MAGI1: variants seen among roughly 807,000 people sequenced by gnomAD.
MAGI1 encodes the protein membrane associated guanylate kinase, WW and PDZ domain containing 1, also known as membrane-associated guanylate kinase, WW and PDZ domain-containing protein 1.
MAGI1 carries 58 observed loss-of-function variants against 139.9 expected under a neutral mutation model. The ratio of observed to expected loss-of-function variants is 0.41; its 90% CI spans 0.34 to 0.52. The LOEUF is 0.52. MAGI1 is among the 20% of genes least tolerant of loss of function. MAGI1 has a pLI of 0.12. For missense variants in MAGI1, 1,874 were observed against 1,901.6 expected (o/e 0.99, Z 0.27); for synonymous variants, 812 against 737.9 (o/e 1.10, Z -1.63).
chr3:65,593,502 T>C lies in MAGI1; in HGVS notation c.430+28470A>G, dbSNP rs144249620. ...AATCTAAATGATTTTTTACTTCCAA[T>C]AGAATATAGGATAAACTATCTGGTT... On this transcript the variant is annotated intron_variant, in intron 2 of 22. Transcript: ENST00000402939. Among the ~76,000 whole-genome samples, 1,100 of 152,302 alleles carry C rather than the reference T, an allele frequency of 7.2e-3. 16 individuals carry two copies. The highest frequency in any genetic ancestry group is 0.026 in the African/African-American group (1,061 of 41,554).
intron 1 of MAGI1, among the ~76,000 whole-genome samples, chr3:65,815,025 G>GTCCATAGATCCA (rs200901484): frequency 0.036 from 5,431 of 152,260 alleles, 128 homozygotes; most frequent in Middle Eastern, 0.051. Context: ...GGGAAACACA[G>GTCCATAGATCCA]CAGCTGTATT....
At chr3:65,537,741 T>A (rs1394055800) in intron 2 of MAGI1, among the ~76,000 whole-genome samples, 2 of 152,188 alleles carry the variant, frequency 1.3e-5, no homozygotes, top group African/African-American at 4.8e-5. Flanking sequence ...ACAATTGTTA[T>A]TTAATAGTCA....
At chr3:65,784,095 C>T (rs969969574) in intron 1 of MAGI1, among the ~76,000 whole-genome samples, 1 of 151,572 alleles carries the variant, frequency 6.6e-6, no homozygotes, top group East Asian at 2.0e-4. Flanking sequence ...TGCACTCCAG[C>T]CTGGGCAACA....
chr3:65,688,254 T>C (rs878983154), intron 1 of MAGI1: 1 of 852,548 alleles, frequency 1.2e-6, no homozygotes, highest in South Asian at 1.3e-5. Context: ...GACTCTGGTC[T>C]GAATCCTCTC....
intron 1 of MAGI1, among the ~76,000 whole-genome samples, chr3:65,845,454 A>T (rs959629116): frequency 6.6e-6 from 1 of 152,162 alleles, no homozygotes; most frequent in African/African-American, 2.4e-5. Flanking sequence ...AATATCTACC[A>T]CACTGGAATG....
intron 1 of MAGI1, among the ~76,000 whole-genome samples, chr3:65,635,789 T>A (rs2084581191): frequency 6.6e-6 from 1 of 152,226 alleles, no homozygotes; most frequent in Admixed American, 6.5e-5. Context: ...CTGGAATAGA[T>A]AATCTGGATT....
intron 1 of MAGI1, among the ~76,000 whole-genome samples, chr3:65,929,793 T>C (rs7631675): frequency 0.8 from 121,609 of 152,010 alleles, 48,707 homozygotes; most frequent in Middle Eastern, 0.85. Context: ...AGCAAATCAA[T>C]CCATGGTAAT....
intron 1 of MAGI1, among the ~76,000 whole-genome samples, chr3:65,882,483 GT>G (rs2060366218): frequency 6.6e-6 from 1 of 152,052 alleles, no homozygotes; most frequent in African/African-American, 2.4e-5. Context: ...TAAGTTACAT[GT>G]TTTCCCATCT....
chr3:65,468,344 G>GCCCGC (rs1950306415), intron 5 of MAGI1, among the ~76,000 whole-genome samples: 1 of 147,824 alleles, frequency 6.8e-6, no homozygotes, highest in African/African-American at 2.5e-5. Context: ...ACTCTTCCCG[G>GCCCGC]GTAGATTCTC....
intron 17 of MAGI1, 94 bp downstream of exon 17, chr3:65,379,167 T>C: frequency 6.3e-7 from 1 of 1,587,682 alleles, no homozygotes. Flanking sequence ...AAAGCATTTC[T>C]GCACGTGAGG....
Position 65,723,644 on chromosome 3 carries a change from A to G in MAGI1, c.314-101556T>C, listed in dbSNP as rs142297649. 4.8e-4 allele frequency among the ~76,000 whole-genome samples: 73 copies of G among 152,344 alleles called. No individual in the cohort carries two copies. The East Asian group carries it at 0.014, about 29-fold the overall frequency. ...TATCTAGCAACATCAGTCGACACAG[A>G]TAATAAACTGGGATCTGTGTTTCCT... On this transcript the variant is annotated intron_variant, in intron 1 of 22. Transcript: ENST00000402939.
At chr3:65,605,035 G>C (rs2082668929) in intron 2 of MAGI1, among the ~76,000 whole-genome samples, 1 of 152,144 alleles carries the variant, frequency 6.6e-6, no homozygotes, top group African/African-American at 2.4e-5. Context: ...ATGAAAATAT[G>C]CAACTTAAGA....
At chr3:65,843,323 T>C (rs1329873060) in intron 1 of MAGI1, among the ~76,000 whole-genome samples, 1 of 151,984 alleles carries the variant, frequency 6.6e-6, no homozygotes, top group African/African-American at 2.4e-5. Context: ...TGGGAGGAGA[T>C]TCCCCCACCA....
At chr3:65,995,537 G>GT (rs58171473) in intron 1 of MAGI1, among the ~76,000 whole-genome samples, 11,820 of 149,518 alleles carry the variant, frequency 0.079, 609 homozygotes, top group South Asian at 0.12. Flanking sequence ...CCCTTAAAGG[G>GT]TTTTTTTTTT....
At chr3:65,789,955 C>T (rs928771420) in intron 1 of MAGI1, among the ~76,000 whole-genome samples, 3 of 152,084 alleles carry the variant, frequency 2.0e-5, no homozygotes, top group Non-Finnish European at 4.4e-5. Context: ...AAGCTCTTGC[C>T]CAGAGTGCTC....
intron 5 of MAGI1, among the ~76,000 whole-genome samples, chr3:65,460,334 T>G (rs1247934020): frequency 6.6e-6 from 1 of 152,208 alleles, no homozygotes; most frequent in Non-Finnish European, 1.5e-5. Flanking sequence ...TTAGTTTTGT[T>G]ATCAAGGTAA....
At chr3:65,769,577 G>C (rs74447000) in intron 1 of MAGI1, among the ~76,000 whole-genome samples, 4,358 of 152,248 alleles carry the variant, frequency 0.029, 84 homozygotes, top group African/African-American at 0.038. Flanking sequence ...CCAGGTACAA[G>C]CTGCAATTTC....
At chr3:65,934,533 C>G (rs890294547) in intron 1 of MAGI1, among the ~76,000 whole-genome samples, 2 of 152,172 alleles carry the variant, frequency 1.3e-5, no homozygotes, top group Admixed American at 6.5e-5. Flanking sequence ...TTTTTCCAAA[C>G]ATTCATTTGA....
intron 1 of MAGI1, among the ~76,000 whole-genome samples, chr3:65,823,892 G>A (rs138766487): frequency 4.6e-5 from 7 of 152,262 alleles, no homozygotes; most frequent in African/African-American, 1.2e-4. Context: ...AGGTCATAGT[G>A]CACACTGGAC....
Sources: allele counts gnomAD v4.1 joint callset (sites outside exome capture counted in the v4.1 genomes callset), GRCh38; gene constraint gnomAD v4.1.1; transcripts MANE v1.5; gene names NCBI Gene and HGNC (gene_info 2026-07-23, HGNC 2026-07-21).